The following ZNF451 variants were observed in gnomAD, a reference collection of about 807,000 sequenced individuals.
ZNF451 encodes the protein zinc finger protein 451, also known as E3 SUMO-protein ligase ZNF451.
In ZNF451, 80 loss-of-function variants were observed where a neutral mutation model predicts 107.1. The observed-to-expected ratio is 0.75, with a 90% CI of 0.62 to 0.90. ZNF451 has a LOEUF of 0.90. Among genes scored for constraint, ZNF451 ranks in the 40% least tolerant of loss-of-function variants. The pLI is 0.00. For missense variants in ZNF451, 1,107 were observed against 1,236.2 expected (o/e 0.90, Z 1.57); for synonymous variants, 362 against 406.5 (o/e 0.89, Z 1.32).
At chr6:57,126,493 A>G (rs1271287528) in intron 4 of ZNF451, 1 of 152,218 alleles carries the variant, frequency 6.6e-6, no homozygotes, top group Non-Finnish European at 1.5e-5. Context: ...ATTCTGGTTA[A>G]AAATAGACAC....
Position 57,148,090 on chromosome 6 carries a change from T to C in ZNF451, c.2005T>C (p.Cys669Arg). 6.2e-7 allele frequency: 1 copy of C among 1,614,110 alleles called. No homozygotes were observed. Among genetic ancestry groups the C allele is most frequent in the Non-Finnish European group, 8.5e-7 (1 of 1,179,982 alleles). Residue 669 changes from cysteine (C) to arginine (R), a missense_variant, in exon 10 of 15, where the codon TGT becomes CGT. Transcript: ENST00000370706. ...CAATGAGATAAAGATTAAATACTTC[T>C]GTGGGCTTTGTGATCTTATCTTTAA... ...HDNEIKIKYF[C>R]GLCDLIFNVE...
intron 13 of ZNF451, chr6:57,154,300 T>TA (rs1224731791): frequency 1.8e-6 from 1 of 562,546 alleles, no homozygotes; most frequent in African/African-American, 1.9e-5. Context: ...TTGATGTATA[T>TA]AAAACATATA....
At position 57,147,033 on chromosome 6, in the gene ZNF451, A is replaced by G. The variant is rs868695659; in HGVS notation, c.1005-57A>G. 87 of 1,447,912 alleles carry G rather than the reference A, an allele frequency of 6.0e-5. No individual in the cohort carries two copies. In the African/African-American group the frequency reaches 1.0e-3, roughly 17 times the overall value. The allele number at this position is 1,447,912 out of a possible 1,614,324, so 89.7% of individuals were successfully genotyped here. On this transcript the variant is annotated intron_variant, in intron 9 of 14. Transcript: ENST00000370706. ...ATAATTCCTGCAATAAAATGCAGCA[A>G]TGGTATATTTAGAAAATACTTCTGA...
At position 57,131,529 on chromosome 6, in the gene ZNF451, CTTG is replaced by C. The variant is rs140336821; in HGVS notation, c.425-1510_425-1508del. Among the ~76,000 whole-genome samples the C allele has an allele frequency of 8.7e-3, 1,324 of 152,158 alleles. 17 individuals are homozygous for C. Among genetic ancestry groups the C allele is most frequent in the African/African-American group, 0.031 (1,275 of 41,508 alleles). The stretch of plus-strand genomic sequence containing the variant: ...TTAAAGTATATTGCCATTTTAATGC[CTTG>C]TTAAGACTAAAATATGATTAATTCC... On this transcript the variant is annotated intron_variant, in intron 5 of 14. Coordinates refer to ENST00000370706, the MANE Select transcript of ZNF451 (RefSeq NM_001031623.3).
intron 5 of ZNF451, among the ~76,000 whole-genome samples, chr6:57,129,349 T>A (rs1831075598): frequency 6.6e-6 from 1 of 152,136 alleles, no homozygotes; most frequent in Non-Finnish European, 1.5e-5. Context: ...CCTTGAAGAG[T>A]TGCTGTGGAA....
intron 12 of ZNF451, among the ~76,000 whole-genome samples, chr6:57,152,603 G>C (rs1228954317): frequency 6.6e-6 from 1 of 152,028 alleles, no homozygotes; most frequent in Admixed American, 6.5e-5. Context: ...CTGTTTTTTG[G>C]GTTTGTTTTT....
At position 57,169,450 on chromosome 6, in the gene ZNF451, G is replaced by C. The variant is rs1764038514; in HGVS notation, c.*981G>C. ...AATAAAAAATACGACATAAGTAGAA[G>C]ACTAAGAAGGGCTTGTCATATTATC... On this transcript the variant is annotated 3_prime_UTR_variant, in exon 15 of 15. Coordinates refer to ENST00000370706, the MANE Select transcript of ZNF451 (RefSeq NM_001031623.3). 1 of 152,032 alleles carries C rather than the reference G, an allele frequency of 6.6e-6. No homozygotes were observed. The highest frequency in any genetic ancestry group is 1.5e-5 in the Non-Finnish European group (1 of 67,978). 9.4% of individuals were successfully genotyped at this position (152,032 alleles called of 1,614,324 possible).
intron 3 of ZNF451, among the ~76,000 whole-genome samples, chr6:57,112,169 G>A (rs1244844648): frequency 6.6e-6 from 1 of 152,196 alleles, no homozygotes; most frequent in Middle Eastern, 3.2e-3. Flanking sequence ...TATAAGTTGA[G>A]TAGAAGGGGC....
intron 6 of ZNF451, 104 bp downstream of exon 6, chr6:57,133,296 C>A: frequency 1.8e-6 from 2 of 1,125,932 alleles, no homozygotes; most frequent in Non-Finnish European, 2.5e-6. Flanking sequence ...GATTATATAG[C>A]TTTATATTCC....
At chr6:57,114,644 A>G (rs1357923411) in intron 3 of ZNF451, among the ~76,000 whole-genome samples, 1 of 152,160 alleles carries the variant, frequency 6.6e-6, no homozygotes, top group Non-Finnish European at 1.5e-5. Flanking sequence ...TTCCTTCTAG[A>G]TGCAGCATTT....
intron 3 of ZNF451, among the ~76,000 whole-genome samples, chr6:57,110,860 C>A (rs1433369184): frequency 6.6e-6 from 1 of 151,116 alleles, no homozygotes; most frequent in Non-Finnish European, 1.5e-5. Context: ...ACTTCGTATT[C>A]GTTTTTTAAG....
At chr6:57,167,411 T>G (rs1763947573) in intron 14 of ZNF451, among the ~76,000 whole-genome samples, 1 of 152,188 alleles carries the variant, frequency 6.6e-6, no homozygotes, top group African/African-American at 2.4e-5. Flanking sequence ...CTTAGACAAG[T>G]CTTGTCCCCT....
intron 9 of ZNF451, among the ~76,000 whole-genome samples, chr6:57,142,912 G>A (rs866038151): frequency 2.0e-5 from 3 of 151,922 alleles, no homozygotes; most frequent in Admixed American, 6.6e-5. Context: ...AGTTTATTAT[G>A]TGCATTTTCT....
intron 7 of ZNF451, among the ~76,000 whole-genome samples, chr6:57,138,759 G>C (rs1296158027): frequency 7.9e-6 from 1 of 127,222 alleles, no homozygotes; most frequent in South Asian, 2.6e-4. Flanking sequence ...GTGTGTGTGT[G>C]TGTGTGTGTG....
chr6:57,141,821 T>C (rs963264075), intron 8 of ZNF451, 127 bp from the exon 9 acceptor site: 7 of 843,086 alleles, frequency 8.3e-6, no homozygotes, highest in Non-Finnish European at 1.2e-5. Context: ...TCCCTTAGAT[T>C]TTTATTGCCA....
intron 12 of ZNF451, 37 bp downstream of exon 12, chr6:57,152,388 T>C: frequency 1.2e-6 from 2 of 1,611,120 alleles, no homozygotes; most frequent in Non-Finnish European, 1.7e-6. Context: ...AATGTGAATC[T>C]CAGACCCACT....
At chr6:57,103,586 A>G (rs1295068731) in intron 3 of ZNF451, 3 of 985,256 alleles carry the variant, frequency 3.0e-6, no homozygotes, top group Non-Finnish European at 3.6e-6. Context: ...AATGGAGAAT[A>G]TGTCAAATTT....
At chr6:57,149,329 ATTTTGTTTAGAAGTATAATTTG>A (rs1183191447) in intron 10 of ZNF451, among the ~76,000 whole-genome samples, 3 of 152,104 alleles carry the variant, frequency 2.0e-5, no homozygotes, top group South Asian at 4.1e-4. Flanking sequence ...TTATGTTTTT[ATTTTGTTTAGAAGTATAATTTG>A]TTTTGTTTAG....
chr6:57,106,186 G>A, intron 3 of ZNF451: 2 of 985,360 alleles, frequency 2.0e-6, no homozygotes, highest in Non-Finnish European at 2.4e-6. Flanking sequence ...GGATACTGAT[G>A]TGGATGGACA....
Sources: allele counts gnomAD v4.1 joint callset (sites outside exome capture counted in the v4.1 genomes callset), GRCh38; gene constraint gnomAD v4.1.1; transcripts MANE v1.5; gene names NCBI Gene and HGNC (gene_info 2026-07-23, HGNC 2026-07-21).